CDK10: variants seen among roughly 807,000 people sequenced by gnomAD.
CDK10 encodes cyclin-dependent kinase 10.
CDK10 carries 55 observed loss-of-function variants against 51.0 expected under a neutral mutation model. The observed-to-expected ratio is 1.08, with a 90% CI of 0.87 to 1.35. The LOEUF (loss-of-function observed/expected upper bound fraction) is 1.35. CDK10 is among the 40% of genes most tolerant of loss of function. CDK10 has a pLI of 0.00. For synonymous variants in CDK10, 255 were observed against 199.1 expected (o/e 1.28, Z -2.36); for missense variants, 589 against 485.1 (o/e 1.21, Z -2.01).
At chr16:89,690,529 A>T (rs1217971724) in intron 2 of CDK10, 24 bp from the exon 3 acceptor site, 1 of 1,610,462 alleles carries the variant, frequency 6.2e-7, no homozygotes, top group South Asian at 1.1e-5. Context: ...AGATGATGTC[A>T]TCACCAATGT....
rs1482422578 is a variant in CDK10, at chr16:89,689,558, C to G, written c.160+234C>G. 2.4e-5 allele frequency: 13 copies of G among 544,852 alleles called. No homozygotes were observed. In the South Asian group the frequency reaches 2.7e-4, roughly 11 times the overall value. 33.8% of individuals were successfully genotyped at this position (544,852 alleles called of 1,614,324 possible). ...TAATGCCCATAATCCAAACGTGTCACTGCAGAGTACACAGAACTGTTAGAG... is the reference window on the plus strand; with the variant it reads ...TAATGCCCATAATCCAAACGTGTCAGTGCAGAGTACACAGAACTGTTAGAG... On this transcript the variant is annotated intron_variant, in intron 2 of 12. Transcript: ENST00000353379.
intron 3 of CDK10, 24 bp downstream of exon 3, chr16:89,690,648 G>A (rs1454265982): frequency 6.3e-7 from 1 of 1,596,498 alleles, no homozygotes; most frequent in Admixed American, 1.7e-5. Flanking sequence ...TGGGGTGTTG[G>A]GACCTCGCAC....
At chr16:89,690,190 T>G (rs897285016) in intron 2 of CDK10, 1 of 242,940 alleles carries the variant, frequency 4.1e-6, no homozygotes, top group Non-Finnish European at 8.1e-6. Flanking sequence ...AAATAAGGTT[T>G]GCTTTTTTCT....
chr16:89,693,822 C>A, intron 8 of CDK10: 2 of 542,676 alleles, frequency 3.7e-6, no homozygotes, highest in Non-Finnish European at 6.6e-6. Flanking sequence ...TACTTTTAAC[C>A]AAACAGGGTC....
chr16:89,694,249 A>G lies in CDK10; in HGVS notation c.668+17A>G, dbSNP rs1160385999. On this transcript the variant is annotated intron_variant, in intron 9 of 12. Coordinates refer to ENST00000353379, the MANE Select transcript of CDK10 (RefSeq NM_052988.5). The stretch of plus-strand genomic sequence containing the variant: ...CGACATGTGGTGAGGAGATACGGTT[A>G]CCGCTCCTGGGGCCTCAGGAAGGGC... The G allele has an allele frequency of 6.2e-7, 1 of 1,612,976 alleles. No individual in the cohort carries two copies. Among genetic ancestry groups the G allele is most frequent in the African/African-American group, 1.3e-5 (1 of 74,850 alleles).
chr16:89,692,622 T>G, intron 6 of CDK10, 106 bp downstream of exon 6: 3 of 720,898 alleles, frequency 4.2e-6, no homozygotes, highest in Non-Finnish European at 6.7e-6. Context: ...TGCAGCAGCC[T>G]GCCCGCTGCT....
intron 1 of CDK10, chr16:89,687,526 G>T (rs1256283954): frequency 2.2e-6 from 1 of 456,144 alleles, no homozygotes; most frequent in Admixed American, 2.3e-5. Context: ...TGAGAGCCGT[G>T]TGCTGGACTC....
Position 89,686,816 on chromosome 16 carries a change from G to T in CDK10, c.87+19G>T, listed in dbSNP as rs1384744208. On this transcript the variant is annotated intron_variant, in intron 1 of 12. Transcript: ENST00000353379. ...ACACAGGGTGCGCGGGGTGCCACCC[G>T]GGCAGCTCTGCCCGCCTCGCTAGCG... The T allele has an allele frequency of 6.3e-7, 1 of 1,594,574 alleles. No homozygotes were observed. The highest frequency in any genetic ancestry group is 1.1e-5 in the South Asian group (1 of 89,678).
Position 89,695,962 on chromosome 16 carries a change from GTCC to G in CDK10, c.*276_*278del. 1 of 635,584 alleles carries G rather than the reference GTCC, an allele frequency of 1.6e-6. No individual in the cohort carries two copies. Among genetic ancestry groups the G allele is most frequent in the Non-Finnish European group, 2.8e-6 (1 of 359,926 alleles). 39.4% of individuals were successfully genotyped at this position (635,584 alleles called of 1,614,324 possible). On this transcript the variant is annotated 3_prime_UTR_variant, in exon 13 of 13. Coordinates refer to ENST00000353379, the MANE Select transcript of CDK10 (RefSeq NM_052988.5). ...TCCGTGGCTGCAGGGGTCTCATGTG[GTCC>G]TCCTCGCTATGTTGGAAATGTGCAA... is the stretch of plus-strand genomic sequence containing the variant.
In CDK10 at chr16:89,694,943, C is replaced by G. The variant is rs766609467; in HGVS notation, c.805C>G (p.Leu269Val). The stretch of plus-strand genomic sequence containing the variant: ...CTGCCTCCCATAGGGCTTTTCCAAG[C>G]TGCCACTGGTCGGCCAGTACAGCCT... ...SENIWPGFSK[L>V]PLVGQYSLRK... The change falls in exon 11 of 13, where the codon CTG (leucine) becomes GTG (valine). Residue 269 changes from leucine to valine, a missense_variant. Coordinates refer to ENST00000353379, the MANE Select transcript of CDK10 (RefSeq NM_052988.5). 1 of 1,612,946 alleles carries G rather than the reference C, an allele frequency of 6.2e-7. No homozygotes were observed. The highest frequency in any genetic ancestry group is 8.5e-7 in the Non-Finnish European group (1 of 1,179,958).
At chr16:89,692,121 G>C in intron 5 of CDK10, 1 of 590,584 alleles carries the variant, frequency 1.7e-6, no homozygotes, top group South Asian at 2.0e-5. Context: ...CTGGGCTGTT[G>C]GGAGCAGGCA....
rs562487133 is a variant in CDK10, at chr16:89,688,479, C to T, written c.88-773C>T. 2.5e-3 allele frequency among the ~76,000 whole-genome samples: 376 copies of T among 152,258 alleles called. 3 individuals carry two copies. Among genetic ancestry groups the T allele is most frequent in the African/African-American group, 8.4e-3 (349 of 41,548 alleles). On this transcript the variant is annotated intron_variant, in intron 1 of 12. Transcript: ENST00000353379. ...CAAGATGATGCCTTTTTTCACTCTCCCCTAACATTCTGGAGAGAAGCAGTT... is the reference window on the plus strand; with the variant it reads ...CAAGATGATGCCTTTTTTCACTCTCTCCTAACATTCTGGAGAGAAGCAGTT...
At chr16:89,691,725 C>G in intron 4 of CDK10, 81 bp from the exon 5 acceptor site, 1 of 1,411,082 alleles carries the variant, frequency 7.1e-7, no homozygotes, top group Non-Finnish European at 1.0e-6. Context: ...CTGCCCATGT[C>G]CCCTCCTGCA....
chr16:89,692,034 G>T, intron 5 of CDK10, 147 bp downstream of exon 5: 1 of 685,300 alleles, frequency 1.5e-6, no homozygotes, highest in Non-Finnish European at 2.5e-6. Flanking sequence ...CTTCAGTGAG[G>T]TGGAATTCCT....
At chr16:89,691,317 A>G (rs164742) in intron 3 of CDK10, 126 bp from the exon 4 acceptor site, 322,128 of 618,534 alleles carry the variant, frequency 0.52, 87,989 homozygotes, top group Middle Eastern at 0.68. Context: ...GGTCGCCCCA[A>G]TTCTCCCTGA....
chr16:89,692,786 C>A, intron 6 of CDK10: 1 of 324,122 alleles, frequency 3.1e-6, no homozygotes, highest in South Asian at 7.9e-5. Context: ...GGCATGCACT[C>A]CGATTTTTAA....
intron 2 of CDK10, chr16:89,689,658 G>C (rs778161214): frequency 4.0e-5 from 11 of 274,670 alleles, no homozygotes; most frequent in Non-Finnish European, 7.1e-5. Flanking sequence ...AGCAACTCTG[G>C]AGGAGTCACC....
At position 89,689,325 on chromosome 16, in the gene CDK10, G is replaced by A. The variant is rs536751746; in HGVS notation, c.160+1G>A. On this transcript the variant is annotated splice_donor_variant, in intron 2 of 12. Coordinates refer to ENST00000353379, the MANE Select transcript of CDK10 (RefSeq NM_052988.5). LOFTEE classifies it high-confidence loss of function. ...GGAGAGGGTACCTACGGCATTGTGT[G>A]TGAGTGGCCAAGGCTAGGACATGTG... The A allele has an allele frequency of 1.2e-6, 2 of 1,613,534 alleles. No individual in the cohort carries two copies. Among genetic ancestry groups the A allele is most frequent in the African/African-American group, 1.3e-5 (1 of 74,918 alleles).
At chr16:89,688,015 A>T (rs550113097) in intron 1 of CDK10, among the ~76,000 whole-genome samples, 1 of 143,540 alleles carries the variant, frequency 7.0e-6, no homozygotes, top group Non-Finnish European at 1.5e-5. Flanking sequence ...TTTGATACTG[A>T]GGGTTAAGAG....
Sources: allele counts gnomAD v4.1 joint callset (sites outside exome capture counted in the v4.1 genomes callset), GRCh38; gene constraint gnomAD v4.1.1; transcripts MANE v1.5; gene names NCBI Gene and HGNC (gene_info 2026-07-23, HGNC 2026-07-21).